The following DPP6 variants were observed in gnomAD, a reference collection of about 807,000 sequenced individuals.
DPP6 encodes dipeptidyl peptidase like 6.
In DPP6, 69 loss-of-function variants were observed where a neutral mutation model predicts 122.6. That is an observed-to-expected ratio of 0.56 (90% CI 0.46 to 0.69). The LOEUF is 0.69. Ranked by LOEUF, DPP6 falls within the 30% of genes least tolerant of loss-of-function variation. DPP6 has a pLI of 0.00. For synonymous variants in DPP6, 418 were observed against 433.1 expected (o/e 0.97, Z 0.43); for missense variants, 928 against 1,116.9 (o/e 0.83, Z 2.41).
chr7:154,650,715 C>T (rs563900381), intron 6 of DPP6, among the ~76,000 whole-genome samples: 334 of 152,218 alleles, frequency 2.2e-3, no homozygotes, highest in Non-Finnish European at 3.9e-3. Flanking sequence ...ATGCAGCCTG[C>T]CACTGTGGCC....
Position 154,138,377 on chromosome 7 carries a change from A to G in DPP6, c.243+85314A>G, listed in dbSNP as rs1451179499. Among the ~76,000 whole-genome samples the G allele has an allele frequency of 2.0e-5, 3 of 152,262 alleles. No individual in the cohort carries two copies. In the East Asian group the frequency reaches 5.8e-4, roughly 29 times the overall value. ...TGAAGATGCTTTCTGGGATGAAGAC[A>G]TTATTTGGAAAATCTCCAGATGCTC... is the stretch of plus-strand genomic sequence containing the variant. On this transcript the variant is annotated intron_variant, in intron 1 of 25. Coordinates refer to ENST00000377770, the MANE Select transcript of DPP6 (RefSeq NM_130797.4).
intron 1 of DPP6, among the ~76,000 whole-genome samples, chr7:154,184,641 C>G (rs1195096548): frequency 6.9e-6 from 1 of 145,632 alleles, no homozygotes; most frequent in Non-Finnish European, 1.5e-5. Context: ...TAAAAGGATA[C>G]AAATCAACTT....
At chr7:154,435,069 T>C (rs562640273) in intron 1 of DPP6, among the ~76,000 whole-genome samples, 12 of 152,250 alleles carry the variant, frequency 7.9e-5, no homozygotes, top group African/African-American at 2.6e-4. Flanking sequence ...ACTCCTGACC[T>C]CAGGTGATCC....
intron 5 of DPP6, among the ~76,000 whole-genome samples, chr7:154,620,728 T>A (rs1377668432): frequency 2.0e-5 from 3 of 152,272 alleles, no homozygotes; most frequent in African/African-American, 7.2e-5. Context: ...TAGCACATGC[T>A]TTTCCATTAG....
At chr7:154,297,074 T>G (rs981236784) in intron 1 of DPP6, among the ~76,000 whole-genome samples, 16 of 139,920 alleles carry the variant, frequency 1.1e-4, no homozygotes, top group Non-Finnish European at 2.0e-4. Flanking sequence ...TTTTTTTTTT[T>G]TTGTTTTGTT....
At chr7:154,306,652 G>T (rs1286367479) in intron 1 of DPP6, among the ~76,000 whole-genome samples, 1 of 152,130 alleles carries the variant, frequency 6.6e-6, no homozygotes, top group African/African-American at 2.4e-5. Flanking sequence ...ATTTAGTGGG[G>T]TCATTTCCCA....
intron 3 of DPP6, among the ~76,000 whole-genome samples, chr7:154,487,086 G>A (rs985102398): frequency 4.6e-5 from 7 of 152,058 alleles, no homozygotes; most frequent in African/African-American, 9.7e-5. Flanking sequence ...GACTGAAATC[G>A]CGTTTCAACT....
At chr7:154,128,538 ACTACAGGCGCCCGCCACCG>A (rs1354091217) in intron 1 of DPP6, among the ~76,000 whole-genome samples, 1 of 151,992 alleles carries the variant, frequency 6.6e-6, no homozygotes, top group East Asian at 1.9e-4. Flanking sequence ...AGTAGCTGGG[ACTACAGGCGCCCGCCACCG>A]CGCCTGGCTA....
At chr7:153,830,519 C>T in the DPP6 span, among the ~76,000 whole-genome samples, 1 of 152,188 alleles carries the variant, frequency 6.6e-6, no homozygotes, top group South Asian at 2.1e-4. Context: ...CCTATGAAGA[C>T]AGCCTTTGGT....
intron 1 of DPP6, among the ~76,000 whole-genome samples, chr7:153,975,374 C>A (rs1796246405): frequency 7.1e-6 from 1 of 141,194 alleles, no homozygotes; most frequent in Non-Finnish European, 1.5e-5. Context: ...CTTAAGCCTA[C>A]AAAGATTTTC....
At chr7:154,530,040 C>T (rs775823238) in intron 3 of DPP6, among the ~76,000 whole-genome samples, 27 of 151,566 alleles carry the variant, frequency 1.8e-4, no homozygotes, top group Admixed American at 4.0e-4. Context: ...GCAGGAGAAT[C>T]GCTTGGACCT....
intron 1 of DPP6, among the ~76,000 whole-genome samples, chr7:153,990,656 T>C (rs1197035583): frequency 3.3e-5 from 5 of 151,888 alleles, no homozygotes; most frequent in Non-Finnish European, 7.4e-5. Flanking sequence ...GCAGGTGCAT[T>C]GCTCTTGTTT....
chr7:154,298,907 C>A (rs1289161489), intron 1 of DPP6, among the ~76,000 whole-genome samples: 1 of 152,238 alleles, frequency 6.6e-6, no homozygotes, highest in South Asian at 2.1e-4. Flanking sequence ...TGGCTCTGGT[C>A]TGCGTTCTCA....
intron 1 of DPP6, among the ~76,000 whole-genome samples, chr7:154,284,283 A>G (rs1419421048): frequency 6.6e-6 from 1 of 152,226 alleles, no homozygotes; most frequent in Non-Finnish European, 1.5e-5. Context: ...CTGCAGGACG[A>G]AAAAGCAGAT....
At chr7:153,959,150 TAAC>T (rs1171636289) in intron 1 of DPP6, among the ~76,000 whole-genome samples, 1 of 139,376 alleles carries the variant, frequency 7.2e-6, no homozygotes, top group Non-Finnish European at 1.6e-5. Context: ...AGAATGACAA[TAAC>T]AATAAGTCAG....
the DPP6 span, among the ~76,000 whole-genome samples, chr7:153,878,378 C>CA: frequency 0.088 from 12,522 of 142,062 alleles, 736 homozygotes; most frequent in East Asian, 0.33. Context: ...CCTATCCAAG[C>CA]AAAAAAAAAA....
At chr7:153,790,679 G>A in the DPP6 span, among the ~76,000 whole-genome samples, 8 of 152,190 alleles carry the variant, frequency 5.3e-5, no homozygotes, top group Non-Finnish European at 1.5e-5. Context: ...GAAACAGCCG[G>A]AGAGGTATTC....
At chr7:154,094,162 A>T (rs1414201567) in intron 1 of DPP6, 3 of 152,158 alleles carry the variant, frequency 2.0e-5, no homozygotes, top group Non-Finnish European at 4.4e-5. Flanking sequence ...GGAATGGGCC[A>T]TTTGCTTCAT....
the DPP6 span, among the ~76,000 whole-genome samples, chr7:153,812,169 A>G: frequency 3.3e-5 from 5 of 151,918 alleles, no homozygotes; most frequent in Non-Finnish European, 7.4e-5. Flanking sequence ...TATTGCTTCT[A>G]TTTGTCTTCT....
Sources: allele counts gnomAD v4.1 joint callset (sites outside exome capture counted in the v4.1 genomes callset), GRCh38; gene constraint gnomAD v4.1.1; transcripts MANE v1.5; gene names NCBI Gene and HGNC (gene_info 2026-07-23, HGNC 2026-07-21).